The following HPSE2 variants were observed in gnomAD, a reference collection of about 807,000 sequenced individuals.
The protein encoded by HPSE2 is heparanase 2 (inactive).
HPSE2 carries 38 observed loss-of-function variants against 60.5 expected under a neutral mutation model. The observed-to-expected ratio is 0.63, with a 90% CI of 0.48 to 0.82. The LOEUF is 0.82. HPSE2 is among the 40% of genes least tolerant of loss of function. HPSE2 has a pLI of 0.00. For missense variants in HPSE2, 713 were observed against 740.4 expected, an observed-to-expected ratio of 0.96 and a Z score of 0.43; for synonymous variants, 295 against 293.2, an observed-to-expected ratio of 1.01 and a Z score of -0.06.
chr10:98,966,870 A>T lies in HPSE2; in HGVS notation c.610+177368T>A, dbSNP rs376615866. On this transcript the variant is annotated intron_variant, in intron 3 of 11. Transcript: ENST00000370552. Reference sequence around the variant, plus strand: ...CTTGATCATTACACATTTTATGCATATAACAAAACTTCACATGTACTCCAT... The same window carrying T: ...CTTGATCATTACACATTTTATGCATTTAACAAAACTTCACATGTACTCCAT... Among the ~76,000 whole-genome samples the T allele has an allele frequency of 3.3e-5, 5 of 152,242 alleles. No homozygotes were observed. In the East Asian group the frequency reaches 5.8e-4, roughly 18 times the overall value.
At chr10:98,505,656 T>C (rs1942176461) in intron 9 of HPSE2, among the ~76,000 whole-genome samples, 1 of 152,236 alleles carries the variant, frequency 6.6e-6, no homozygotes, top group Non-Finnish European at 1.5e-5. Flanking sequence ...TTTAAAGTTC[T>C]TTTTCTTTCA....
At chr10:99,051,321 A>C (rs1957986635) in intron 3 of HPSE2, among the ~76,000 whole-genome samples, 1 of 152,166 alleles carries the variant, frequency 6.6e-6, no homozygotes, top group Non-Finnish European at 1.5e-5. Context: ...AATATTTCCA[A>C]AATATCCCTG....
chr10:98,767,920 A>T (rs2134409494), intron 3 of HPSE2, among the ~76,000 whole-genome samples: 1 of 148,552 alleles, frequency 6.7e-6, no homozygotes, highest in Non-Finnish European at 1.5e-5. Flanking sequence ...AATATATTAA[A>T]CTGATACATA....
intron 2 of HPSE2, 113 bp downstream of exon 2, chr10:99,232,235 A>T: frequency 7.9e-7 from 1 of 1,272,698 alleles, no homozygotes; most frequent in African/African-American, 1.5e-5. Context: ...ACACACACAC[A>T]CACACACACA....
intron 3 of HPSE2, among the ~76,000 whole-genome samples, chr10:98,917,759 A>G (rs1954161498): frequency 6.6e-6 from 1 of 152,200 alleles, no homozygotes; most frequent in Non-Finnish European, 1.5e-5. Context: ...TGAATGAATG[A>G]AGGAACAAAT....
rs137878709 is a variant in HPSE2, at chr10:98,596,519, T to C, written c.1320+18385A>G. On this transcript the variant is annotated intron_variant, in intron 9 of 11. Transcript: ENST00000370552. ...CATCCCTTTAGCATTTTTGCTAAGG[T>C]AGGTCTAGTGGTAATAATGAACTCC... Among the ~76,000 whole-genome samples, 652 of 152,034 alleles carry C rather than the reference T, an allele frequency of 4.3e-3. 3 individuals are homozygous for C. Among genetic ancestry groups the C allele is most frequent in the African/African-American group, 0.015 (628 of 41,504 alleles).
intron 3 of HPSE2, among the ~76,000 whole-genome samples, chr10:98,982,785 A>C (rs2135305153): frequency 6.6e-6 from 1 of 152,306 alleles, no homozygotes; most frequent in African/African-American, 2.4e-5. Context: ...TATCTCATTT[A>C]GTTATTTACC....
chr10:99,226,256 T>C (rs1282661116), intron 2 of HPSE2, among the ~76,000 whole-genome samples: 1 of 151,980 alleles, frequency 6.6e-6, no homozygotes, highest in South Asian at 2.1e-4. Context: ...CTCACCAGCA[T>C]TCAACTCTAC....
intron 2 of HPSE2, among the ~76,000 whole-genome samples, chr10:99,155,345 A>T (rs1846495539): frequency 7.0e-6 from 1 of 142,444 alleles, no homozygotes; most frequent in Non-Finnish European, 1.5e-5. Flanking sequence ...TTGACCACAT[A>T]GTTGGAAGTA....
chr10:99,009,146 A>G (rs920099644), intron 3 of HPSE2, among the ~76,000 whole-genome samples: 2 of 150,934 alleles, frequency 1.3e-5, no homozygotes, highest in African/African-American at 4.9e-5. Flanking sequence ...TGGCTCAACT[A>G]TAATCCCAGC....
chr10:99,123,031 G>C (rs1012885882), intron 3 of HPSE2, among the ~76,000 whole-genome samples: 3 of 152,066 alleles, frequency 2.0e-5, no homozygotes, highest in African/African-American at 4.8e-5. Flanking sequence ...GGCAAAAAAT[G>C]TTTTAAAAAC....
chr10:99,150,722 C>T (rs1846228175), intron 2 of HPSE2, among the ~76,000 whole-genome samples: 1 of 152,166 alleles, frequency 6.6e-6, no homozygotes, highest in African/African-American at 2.4e-5. Context: ...GCTATATGCA[C>T]ATGCAAGGGA....
chr10:98,674,640 C>G (rs369299710), intron 6 of HPSE2, among the ~76,000 whole-genome samples: 4 of 152,154 alleles, frequency 2.6e-5, no homozygotes, highest in African/African-American at 9.7e-5. Flanking sequence ...AATAGCCAGG[C>G]GCAATGATTC....
At chr10:98,496,546 C>T (rs1365499074) in intron 9 of HPSE2, among the ~76,000 whole-genome samples, 4 of 152,224 alleles carry the variant, frequency 2.6e-5, no homozygotes, top group African/African-American at 9.6e-5. Flanking sequence ...AGCTACCTGC[C>T]ATAGGGCTAA....
the HPSE2 span, among the ~76,000 whole-genome samples, chr10:99,255,548 G>T: frequency 8.4e-6 from 1 of 119,428 alleles, no homozygotes; most frequent in Non-Finnish European, 1.6e-5. Context: ...ACACACACAT[G>T]CACGCATGCA....
At chr10:98,774,126 T>TA (rs1308171482) in intron 3 of HPSE2, among the ~76,000 whole-genome samples, 1 of 152,116 alleles carries the variant, frequency 6.6e-6, no homozygotes, top group Non-Finnish European at 1.5e-5. Flanking sequence ...TATATATACT[T>TA]AAAACATATT....
At chr10:98,936,182 C>A (rs1303426918) in intron 3 of HPSE2, among the ~76,000 whole-genome samples, 1 of 144,404 alleles carries the variant, frequency 6.9e-6, no homozygotes, top group Non-Finnish European at 1.5e-5. Context: ...CAGGCAGACT[C>A]CAGACTTCTG....
At chr10:99,204,744 A>G (rs568761313) in intron 2 of HPSE2, among the ~76,000 whole-genome samples, 53 of 152,360 alleles carry the variant, frequency 3.5e-4, no homozygotes, top group African/African-American at 1.2e-3. Flanking sequence ...GGAGATTTGG[A>G]AAAATTTGAA....
At chr10:99,140,395 G>GAAA (rs1845825640) in intron 3 of HPSE2, among the ~76,000 whole-genome samples, 1 of 152,188 alleles carries the variant, frequency 6.6e-6, no homozygotes, top group Non-Finnish European at 1.5e-5. Flanking sequence ...ATTGGCTACA[G>GAAA]TTTCAAGCTG....
Sources: allele counts gnomAD v4.1 joint callset (sites outside exome capture counted in the v4.1 genomes callset), GRCh38; gene constraint gnomAD v4.1.1; transcripts MANE v1.5; gene names NCBI Gene and HGNC (gene_info 2026-07-23, HGNC 2026-07-21).